STOML1: variants seen among roughly 807,000 people sequenced by gnomAD.
STOML1 encodes the protein stomatin like 1.
STOML1 carries 27 observed loss-of-function variants against 35.7 expected under a neutral mutation model. The ratio of observed to expected loss-of-function variants is 0.76; its 90% CI spans 0.56 to 1.04. The LOEUF (loss-of-function observed/expected upper bound fraction) is 1.04, where lower values mean the gene tolerates loss of function less well. Among genes scored for constraint, STOML1 ranks in the 50% least tolerant of loss-of-function variants. STOML1 has a pLI of 0.00. For synonymous variants in STOML1, 219 were observed against 227.9 expected (o/e 0.96, Z 0.35); for missense variants, 451 against 527.1 (o/e 0.86, Z 1.41).
In STOML1 at chr15:73,980,636, A is replaced by C. The variant is rs902009795; in HGVS notation, c.*3301T>G. On this transcript the variant is annotated 3_prime_UTR_variant, in exon 7 of 7. Coordinates refer to ENST00000541638, the MANE Select transcript of STOML1 (RefSeq NM_004809.5). The stretch of plus-strand genomic sequence containing the variant: ...TTTTTTAAAAAACAAAACCTTCAGG[A>C]AGAATTACCAAGAAACTAATCGCAG... The C allele has an allele frequency of 2.0e-5, 3 of 152,240 alleles. No homozygotes were observed. The highest frequency in any genetic ancestry group is 2.9e-5 in the Non-Finnish European group (2 of 68,036). The allele number at this position is 152,240 out of a possible 1,614,324, so 9.4% of individuals were successfully genotyped here.
chr15:73,984,226 G>A, intron 6 of STOML1, 96 bp from the exon 7 acceptor site: 1 of 1,313,282 alleles, frequency 7.6e-7, no homozygotes, highest in Non-Finnish European at 1.0e-6. Context: ...CCATTGGGAG[G>A]AGAGTACTGG....
chr15:73,994,289 C>T (rs867555939), upstream of STOML1, among the ~76,000 whole-genome samples: 1 of 152,234 alleles, frequency 6.6e-6, no homozygotes, highest in African/African-American at 2.4e-5. Flanking sequence ...CCACCACCTA[C>T]AACCCTAAAT....
intron 1 of STOML1, 195 bp downstream of exon 1, chr15:73,991,896 A>G: frequency 1.2e-6 from 1 of 864,324 alleles, no homozygotes; most frequent in Non-Finnish European, 1.7e-6. Context: ...CCAAAGCCCC[A>G]TGACCCTAGG....
rs916069389 is a variant in STOML1, at chr15:73,990,713, A to G, written c.134-256T>C. Reference sequence around the variant, plus strand: ...CACAAGGCCTTATTCTCTGCTAGGCAACAGCCATTCAATCTCAGAATCCAG... The same window carrying G: ...CACAAGGCCTTATTCTCTGCTAGGCGACAGCCATTCAATCTCAGAATCCAG... On this transcript the variant is annotated intron_variant, in intron 1 of 6. Coordinates refer to ENST00000541638, the MANE Select transcript of STOML1 (RefSeq NM_004809.5). 3 of 1,272,558 alleles carry G rather than the reference A, an allele frequency of 2.4e-6. No homozygotes were observed. In the Admixed American group the frequency reaches 6.0e-5, roughly 25 times the overall value. 78.8% of individuals were successfully genotyped at this position (1,272,558 alleles called of 1,614,324 possible).
chr15:73,991,912 C>T, intron 1 of STOML1, 179 bp downstream of exon 1: 1 of 977,984 alleles, frequency 1.0e-6, no homozygotes, highest in Non-Finnish European at 1.5e-6. Context: ...CTAGGGAGGG[C>T]GGATCGGCGC....
rs770764203 is a variant in STOML1, at chr15:73,992,247, C to CG, written c.-25dup. On this transcript the variant is annotated 5_prime_UTR_variant, in exon 1 of 7. Transcript: ENST00000541638. Reference sequence around the variant, plus strand: ...ATGGCTTTTGACAGGAGACACGCCCCGCGCCTCCGCGCGGCGCCCTCCCTG... The same window carrying CG: ...ATGGCTTTTGACAGGAGACACGCCCCGGCGCCTCCGCGCGGCGCCCTCCCTG... 9.6e-5 allele frequency: 152 copies of CG among 1,578,200 alleles called. No homozygotes were observed. The highest frequency in any genetic ancestry group is 1.2e-4 in the Non-Finnish European group (142 of 1,166,452).
At chr15:73,991,592 C>G (rs780821957) in intron 1 of STOML1, 3 of 457,228 alleles carry the variant, frequency 6.6e-6, no homozygotes, top group South Asian at 3.1e-5. Flanking sequence ...GAGGGCAAGA[C>G]AGAAGCAGGG....
chr15:73,989,851 T>C (rs1367625148), intron 2 of STOML1, among the ~76,000 whole-genome samples: 1 of 152,202 alleles, frequency 6.6e-6, no homozygotes, highest in Non-Finnish European at 1.5e-5. Flanking sequence ...AGAGAGGGAC[T>C]GTTGCCTAGG....
intron 2 of STOML1, 23 bp from the exon 3 acceptor site, chr15:73,989,280 G>A: frequency 1.3e-6 from 2 of 1,563,208 alleles, no homozygotes; most frequent in Non-Finnish European, 1.7e-6. Context: ...GCAAGGGAAA[G>A]AGTTGAAAGT....
intron 6 of STOML1, 31 bp downstream of exon 6, chr15:73,984,628 T>C: frequency 6.2e-7 from 1 of 1,608,320 alleles, no homozygotes. Flanking sequence ...GCAAGCTGGA[T>C]GGGAAGGAGA....
chr15:73,990,606 C>A, intron 1 of STOML1, 149 bp from the exon 2 acceptor site: 1 of 905,948 alleles, frequency 1.1e-6, no homozygotes. Context: ...CTAATATTCC[C>A]GTATCTTTGG....
rs1186512486 is a variant in STOML1 at position 73,988,233 on chromosome 15, G to C, written c.594+366C>G. 4.5e-6 allele frequency: 1 copy of C among 222,516 alleles called. No individual in the cohort carries two copies. The allele number at this position is 222,516 out of a possible 1,614,324, so 13.8% of individuals were successfully genotyped here. A position where few individuals can be genotyped will look rare whatever the true frequency, so the allele number is the denominator to read the frequency against. The stretch of plus-strand genomic sequence containing the variant: ...TCCCCAGCAGGTGACTGGGCTGGGA[G>C]GGTCCCTGCTCCATCACCCATCTGC... On this transcript the variant is annotated intron_variant, in intron 4 of 6. Coordinates refer to ENST00000541638, the MANE Select transcript of STOML1 (RefSeq NM_004809.5). The surrounding 1 kb of genome is among the most constrained non-coding windows in gnomAD (Gnocchi z 4.8).
intron 4 of STOML1, 87 bp from the exon 5 acceptor site, chr15:73,985,600 G>T: frequency 6.9e-7 from 1 of 1,447,652 alleles, no homozygotes; most frequent in Non-Finnish European, 9.2e-7. Context: ...GCCGTGCATG[G>T]ACATGGAGGC....
rs1295822202 is a variant in STOML1 at position 73,983,583 on chromosome 15, C to A, written c.*354G>T. ...CATGCTTGGTCCCTCACACAAGGAC[C>A]AAACCAGCTGCTGTCAGGCTGTTTC... is the stretch of plus-strand genomic sequence containing the variant. On this transcript the variant is annotated 3_prime_UTR_variant, in exon 7 of 7. Transcript: ENST00000541638. 4.8e-6 allele frequency: 1 copy of A among 210,252 alleles called. No homozygotes were observed. The highest frequency in any genetic ancestry group is 9.4e-6 in the Non-Finnish European group (1 of 105,832). The allele number at this position is 210,252 out of a possible 1,614,324, so 13.0% of individuals were successfully genotyped here.
upstream of STOML1, chr15:73,992,386 G>A (rs981906430): frequency 4.3e-5 from 31 of 715,836 alleles, no homozygotes; most frequent in East Asian, 7.9e-4. Flanking sequence ...GCCCGCTTCC[G>A]CCGTCGCATG....
Position 73,985,465 on chromosome 15 carries a change from C to T in STOML1, c.643G>A (p.Val215Met), listed in dbSNP as rs151058454. 3.8e-4 allele frequency: 592 copies of T among 1,542,768 alleles called. 1 individual carries two copies. Among genetic ancestry groups the T allele is most frequent in the African/African-American group, 3.1e-3 (221 of 71,454 alleles). The change falls in exon 5 of 7, where the codon GTG becomes ATG. Residue 215 changes from valine (V) to methionine (M), a missense_variant. By Grantham distance (21) the Val-to-Met change is conservative. Transcript: ENST00000541638. ...AGCACGGCCTCCACTGCCAGCTCCA[C>T]GCGGTCTACCTCCAGCCCCCAGGCC... ...TRAWGLEVDR[V>M]ELAVEAVLQP... is the part of the protein sequence containing the mutation.
chr15:73,985,007 T>C (rs2069045573), intron 5 of STOML1, 136 bp from the exon 6 acceptor site: 2 of 1,035,092 alleles, frequency 1.9e-6, no homozygotes, highest in East Asian at 5.2e-5. Context: ...TCTGTTCAAC[T>C]TCCTCCTCTA....
chr15:73,984,820 C>A lies in STOML1; in HGVS notation c.842G>T (p.Gly281Val), dbSNP rs1450236761. ...SEVEPPAPQV[G>V]ARSSPKQPLA... Reference sequence around the variant, plus strand: ...AGGCTGCTTCGGACTGGACCTGGCACCAACTTGAGGGGCAGGTGGCTCAAC... The same window carrying A: ...AGGCTGCTTCGGACTGGACCTGGCAACAACTTGAGGGGCAGGTGGCTCAAC... The change falls in exon 6 of 7, where the codon GGT becomes GTT. Residue 281 changes from glycine (G) to valine (V), a missense_variant. Transcript: ENST00000541638. The A allele has an allele frequency of 6.2e-7, 1 of 1,614,120 alleles. No homozygotes were observed. The highest frequency in any genetic ancestry group is 1.1e-5 in the South Asian group (1 of 91,090).
intron 6 of STOML1, among the ~76,000 whole-genome samples, 184 bp downstream of exon 6, chr15:73,984,475 T>G (rs928294540): frequency 9.2e-5 from 14 of 152,218 alleles, no homozygotes; most frequent in African/African-American, 3.4e-4. Flanking sequence ...TGCATTGTCC[T>G]GCGGATGGCG....
Sources: gnomAD v4.1 joint callset for allele counts (sites outside exome capture counted in the v4.1 genomes callset) on GRCh38, gnomAD v4.1.1 for gene constraint, Gnocchi (gnomAD v3.1) non-coding constraint, MANE v1.5 for transcripts, NCBI Gene and HGNC (gene_info 2026-07-23, HGNC 2026-07-21) for gene names.